HDAC9: variants seen among roughly 807,000 people sequenced by gnomAD.
HDAC9 encodes the protein MEF-2 interacting transcription repressor (MITR) protein.
Under a neutral mutation model 139.4 loss-of-function variants are expected in HDAC9, and 41 were observed. That is an observed-to-expected ratio of 0.29 (90% CI 0.23 to 0.38). HDAC9 has a LOEUF of 0.38. Among genes scored for constraint, HDAC9 ranks in the 10% least tolerant of loss-of-function variants. The probability of loss-of-function intolerance (pLI) is 1.00; values close to 1 mark genes in which losing one functional copy is unlikely to be tolerated. For synonymous variants in HDAC9, 517 were observed against 476.2 expected (o/e 1.09, Z -1.12); for missense variants, 1,147 against 1,297.0 (o/e 0.88, Z 1.78).
At chr7:18,584,227 G>A (rs902800058) in intron 2 of HDAC9, among the ~76,000 whole-genome samples, 5 of 133,118 alleles carry the variant, frequency 3.8e-5, no homozygotes, top group Non-Finnish European at 3.1e-5. Context: ...TGCAAGCTCC[G>A]CCTCCCAGGT....
chr7:18,487,763 T>C (rs1796079102), intron 1 of HDAC9, among the ~76,000 whole-genome samples: 1 of 152,098 alleles, frequency 6.6e-6, no homozygotes, highest in South Asian at 2.1e-4. Context: ...TTTCAGAGGC[T>C]AGCTTTCTAG....
intron 2 of HDAC9, among the ~76,000 whole-genome samples, chr7:18,506,516 A>G (rs1358481955): frequency 2.6e-5 from 4 of 152,034 alleles, no homozygotes; most frequent in Admixed American, 6.6e-5. Flanking sequence ...TTGAAAGTGT[A>G]TATATATCTG....
upstream of HDAC9, among the ~76,000 whole-genome samples, chr7:18,491,203 A>T (rs1421414886): frequency 2.6e-5 from 4 of 152,002 alleles, no homozygotes; most frequent in Non-Finnish European, 5.9e-5. Context: ...ATTCTGAAAG[A>T]AATAATAAAA....
intron 2 of HDAC9, among the ~76,000 whole-genome samples, chr7:18,246,753 G>A (rs1009022300): frequency 2.6e-5 from 4 of 152,072 alleles, no homozygotes; most frequent in Non-Finnish European, 2.9e-5. Flanking sequence ...GTTTTATACC[G>A]AGGGGCAAAA....
Position 18,804,067 on chromosome 7 carries a change from G to A in HDAC9, c.2322+10615G>A, listed in dbSNP as rs369823406. On this transcript the variant is annotated intron_variant, in intron 17 of 25. Transcript: ENST00000686413. ...CAAGTTCATGTGAAAATGTGTTATG[G>A]ATAAAAGTAAAGGATGAAAGAGAGC... Among the ~76,000 whole-genome samples the A allele has an allele frequency of 2.1e-4, 32 of 152,256 alleles. 1 individual carries two copies. Among genetic ancestry groups the A allele is most frequent in the African/African-American group, 7.2e-4 (30 of 41,548 alleles).
At chr7:18,193,822 A>G (rs1434620211) in intron 2 of HDAC9, among the ~76,000 whole-genome samples, 2 of 151,850 alleles carry the variant, frequency 1.3e-5, no homozygotes, top group African/African-American at 2.4e-5. Flanking sequence ...TGTCTTTCCC[A>G]CCTTGTTAGG....
intron 1 of HDAC9, among the ~76,000 whole-genome samples, chr7:18,460,682 G>T (rs923339778): frequency 1.3e-5 from 2 of 151,750 alleles, no homozygotes; most frequent in Non-Finnish European, 2.9e-5. Context: ...CAGCTACTCG[G>T]GAGGCTGAGG....
At chr7:18,786,606 CTT>C (rs1292776527) in intron 16 of HDAC9, among the ~76,000 whole-genome samples, 1,743 of 93,000 alleles carry the variant, frequency 0.019, 115 homozygotes, top group African/African-American at 0.075. Flanking sequence ...TCCTTCCTTC[CTT>C]CCTTCCTTCC....
chr7:18,756,377 A>G (rs932313765), intron 14 of HDAC9, among the ~76,000 whole-genome samples: 2 of 152,322 alleles, frequency 1.3e-5, no homozygotes, highest in Non-Finnish European at 2.9e-5. Context: ...TTGTCACAGG[A>G]TAGGAATATG....
At chr7:18,132,039 A>G (rs1227787841) in intron 1 of HDAC9, among the ~76,000 whole-genome samples, 1 of 152,142 alleles carries the variant, frequency 6.6e-6, no homozygotes, top group Non-Finnish European at 1.5e-5. Flanking sequence ...ACAGACTTAG[A>G]GATATAAGAG....
chr7:18,634,562 C>A, intron 7 of HDAC9, 65 bp from the exon 8 acceptor site: 1 of 937,816 alleles, frequency 1.1e-6, no homozygotes, highest in Non-Finnish European at 1.7e-6. Flanking sequence ...TTACATGTTA[C>A]AGTAACTAAA....
chr7:18,255,055 C>G (rs1291250147), intron 2 of HDAC9, among the ~76,000 whole-genome samples: 3 of 151,900 alleles, frequency 2.0e-5, no homozygotes, highest in African/African-American at 4.8e-5. Flanking sequence ...AGCAAAGAAC[C>G]CTTTTTTATT....
In HDAC9 at chr7:18,575,756, G is replaced by A. The variant is rs114013203; in HGVS notation, c.23-9525G>A. ...AAGTAATTGCTTTAGGATTTTAATC[G>A]GGTATGTGTGTATGTGAACATATAC... On this transcript the variant is annotated intron_variant, in intron 2 of 25. Transcript: ENST00000686413. 1.5e-3 allele frequency among the ~76,000 whole-genome samples: 224 copies of A among 152,258 alleles called. 2 individuals carry two copies. The highest frequency in any genetic ancestry group is 5.2e-3 in the African/African-American group (215 of 41,550).
intron 1 of HDAC9, among the ~76,000 whole-genome samples, chr7:18,125,514 G>A (rs1214729040): frequency 2.6e-5 from 4 of 151,960 alleles, no homozygotes; most frequent in Non-Finnish European, 5.9e-5. Flanking sequence ...TTTCTTAAGT[G>A]ATGATAAAAT....
chr7:18,649,031 C>CA (rs1788355154), intron 11 of HDAC9, among the ~76,000 whole-genome samples: 2 of 152,228 alleles, frequency 1.3e-5, no homozygotes, highest in Admixed American at 1.3e-4. Context: ...GGTGTGTTGA[C>CA]ATGTCAAAAA....
chr7:18,875,510 T>C (rs6959501), intron 22 of HDAC9, among the ~76,000 whole-genome samples: 15,627 of 152,202 alleles, frequency 0.1, 862 homozygotes, highest in Middle Eastern at 0.19. Flanking sequence ...CCTTTGTTTT[T>C]AGCTGGCTTC....
chr7:18,724,389 A>G (rs981055423), intron 12 of HDAC9, among the ~76,000 whole-genome samples: 10 of 152,190 alleles, frequency 6.6e-5, no homozygotes, highest in Non-Finnish European at 1.3e-4. Flanking sequence ...CAATTTGTGT[A>G]TATAAACATA....
At chr7:18,478,844 G>T (rs1434357302) in intron 1 of HDAC9, among the ~76,000 whole-genome samples, 1 of 152,084 alleles carries the variant, frequency 6.6e-6, no homozygotes, top group East Asian at 1.9e-4. Context: ...TTAAAATGGT[G>T]TCTCATTTTG....
intron 2 of HDAC9, among the ~76,000 whole-genome samples, chr7:18,564,613 G>A (rs1434464684): frequency 6.6e-6 from 1 of 152,114 alleles, no homozygotes; most frequent in Admixed American, 6.5e-5. Context: ...GGAATAATAT[G>A]CACTATAATG....
Sources: gnomAD v4.1 joint callset for allele counts (sites outside exome capture counted in the v4.1 genomes callset) on GRCh38, gnomAD v4.1.1 for gene constraint, MANE v1.5 for transcripts, NCBI Gene and HGNC (gene_info 2026-07-23, HGNC 2026-07-21) for gene names.